Variants in ADRA1A observed in about 807,000 individuals in gnomAD.
The protein encoded by ADRA1A is alpha-1A adrenergic receptor.
In ADRA1A, 31 loss-of-function variants were observed where a neutral mutation model predicts 29.6. The observed-to-expected ratio is 1.05, with a 90% CI of 0.79 to 1.41. The LOEUF is 1.41. ADRA1A is among the 40% of genes most tolerant of loss of function. ADRA1A has a pLI of 0.00. For missense variants in ADRA1A, 619 were observed against 601.1 expected, an observed-to-expected ratio of 1.03 and a Z score of -0.31; for synonymous variants, 311 against 254.3, an observed-to-expected ratio of 1.22 and a Z score of -2.12.
At chr8:26,837,062 T>A (rs890645926) in intron 2 of ADRA1A, among the ~76,000 whole-genome samples, 2 of 151,944 alleles carry the variant, frequency 1.3e-5, no homozygotes, top group African/African-American at 4.8e-5. Context: ...TCACTCTGCC[T>A]AATAGAACTG....
intron 2 of ADRA1A, among the ~76,000 whole-genome samples, chr8:26,849,954 A>G (rs1812490249): frequency 6.6e-6 from 1 of 151,294 alleles, no homozygotes. Context: ...GTAAAGTGGA[A>G]CATGAACTTG....
chr8:26,865,010 C>A lies in ADRA1A; in HGVS notation c.-41G>T. The A allele has an allele frequency of 6.5e-7, 1 of 1,544,558 alleles. No individual in the cohort carries two copies. ...CGGGCGAGGTCCGGCTGTCCAGGGC[C>A]ACCTCCCGGGCTGGCGCGGAGGCGG... is the stretch of plus-strand genomic sequence containing the variant. On this transcript the variant is annotated 5_prime_UTR_variant, in exon 2 of 3. Transcript: ENST00000380573. The surrounding 1 kb of genome is among the most constrained non-coding windows in gnomAD (Gnocchi z 7.6).
At chr8:26,802,583 T>C (rs1808664416) in intron 2 of ADRA1A, among the ~76,000 whole-genome samples, 1 of 152,036 alleles carries the variant, frequency 6.6e-6, no homozygotes, top group African/African-American at 2.4e-5. Flanking sequence ...CAAATGCTGG[T>C]GAGGATGTGG....
Position 26,815,010 on chromosome 8 carries a change from T to C in ADRA1A, c.884-44344A>G, listed in dbSNP as rs1488363590. On this transcript the variant is annotated intron_variant, in intron 2 of 2. Transcript: ENST00000380573. The surrounding 1 kb of genome is among the most constrained non-coding windows in gnomAD (Gnocchi z 4.2). The stretch of plus-strand genomic sequence containing the variant: ...AAATGTGAAAATTTGAGCTTCCTTA[T>C]TAGACAGGCTTCTCCCCTGATATCA... Among the ~76,000 whole-genome samples, 1 of 152,214 alleles carries C rather than the reference T, an allele frequency of 6.6e-6. No homozygotes were observed. The highest frequency in any genetic ancestry group is 1.5e-5 in the Non-Finnish European group (1 of 68,034).
At chr8:26,789,662 G>A (rs1048251374) in intron 2 of ADRA1A, among the ~76,000 whole-genome samples, 4 of 152,006 alleles carry the variant, frequency 2.6e-5, no homozygotes, top group African/African-American at 9.7e-5. Context: ...ATAGACAAAC[G>A]GGATTATATC....
At chr8:26,774,919 T>C (rs1806433351) in intron 2 of ADRA1A, among the ~76,000 whole-genome samples, 1 of 152,086 alleles carries the variant, frequency 6.6e-6, no homozygotes, top group Admixed American at 6.5e-5. Flanking sequence ...TTCCCAAATC[T>C]CTTTCTTCCT....
At chr8:26,764,062 C>T (rs1805646352), downstream of ADRA1A, among the ~76,000 whole-genome samples, 1 of 152,156 alleles carries the variant, frequency 6.6e-6, no homozygotes, top group Admixed American at 6.5e-5. Flanking sequence ...GAACTCTATC[C>T]AGCTTGTAAG....
chr8:26,784,409 T>C (rs1206414986), intron 2 of ADRA1A, among the ~76,000 whole-genome samples: 1 of 152,212 alleles, frequency 6.6e-6, no homozygotes, highest in African/African-American at 2.4e-5. Flanking sequence ...TAATAGTTTC[T>C]GGATGTGCTG....
intron 2 of ADRA1A, among the ~76,000 whole-genome samples, chr8:26,800,415 A>G (rs971199726): frequency 2.6e-5 from 4 of 152,182 alleles, no homozygotes; most frequent in Admixed American, 6.5e-5. Context: ...CAATGGAGGA[A>G]GGTAGCTCAA....
At chr8:26,767,786 G>A (rs1297617192), downstream of ADRA1A, among the ~76,000 whole-genome samples, 3 of 152,198 alleles carry the variant, frequency 2.0e-5, no homozygotes, top group Non-Finnish European at 2.9e-5. Context: ...CTGTTGGGAC[G>A]CTCTTCCTGT....
chr8:26,793,395 G>A (rs1322515540), intron 2 of ADRA1A, among the ~76,000 whole-genome samples: 1 of 151,768 alleles, frequency 6.6e-6, no homozygotes, highest in Non-Finnish European at 1.5e-5. Context: ...AGTCTTAGAT[G>A]GTTATATTTA....
chr8:26,863,803 T>G (rs556992997), intron 2 of ADRA1A, among the ~76,000 whole-genome samples: 26 of 152,332 alleles, frequency 1.7e-4, no homozygotes, highest in Admixed American at 3.9e-4. Context: ...CTTATAGGCA[T>G]TAAGAAAAGT....
chr8:26,855,587 G>C (rs1812988152), intron 2 of ADRA1A, among the ~76,000 whole-genome samples: 1 of 152,124 alleles, frequency 6.6e-6, no homozygotes, highest in African/African-American at 2.4e-5. Flanking sequence ...TGGGGGTTGG[G>C]GGGCAAGAGG....
chr8:26,798,083 A>C (rs1808312158), intron 2 of ADRA1A, among the ~76,000 whole-genome samples: 1 of 151,942 alleles, frequency 6.6e-6, no homozygotes. Context: ...GGCTCAAGTG[A>C]TTCTCCTGCC....
rs57275905 is a variant in ADRA1A at position 26,823,311 on chromosome 8, C to T, written c.883+40776G>A. Among the ~76,000 whole-genome samples, 14,003 of 151,984 alleles carry T rather than the reference C, an allele frequency of 0.092. 1,247 individuals carry two copies. Among genetic ancestry groups the T allele is most frequent in the East Asian group, 0.36 (1,881 of 5,160 alleles). ...TCACGTGCTGGGGGCTGGGCATGGGCGGTGACTTCCATCTGCTTCCTCATG... is the reference window on the plus strand; with the variant it reads ...TCACGTGCTGGGGGCTGGGCATGGGTGGTGACTTCCATCTGCTTCCTCATG... On this transcript the variant is annotated intron_variant, in intron 2 of 2. Coordinates refer to ENST00000380573, the MANE Select transcript of ADRA1A (RefSeq NM_000680.4). The surrounding 1 kb of genome is among the most constrained non-coding windows in gnomAD (Gnocchi z 4.2).
At chr8:26,791,532 T>C (rs2130425968) in intron 2 of ADRA1A, among the ~76,000 whole-genome samples, 1 of 152,178 alleles carries the variant, frequency 6.6e-6, no homozygotes, top group East Asian at 1.9e-4. Flanking sequence ...TGATCTAATT[T>C]TCCCATGTGT....
chr8:26,754,250 AC>A (rs1805050891), downstream of ADRA1A, among the ~76,000 whole-genome samples: 1 of 152,242 alleles, frequency 6.6e-6, no homozygotes, highest in South Asian at 2.1e-4. Flanking sequence ...AAATGTTGCC[AC>A]AAATTCAAGT....
downstream of ADRA1A, chr8:26,765,850 G>C (rs1391281608): frequency 2.1e-6 from 3 of 1,406,516 alleles, no homozygotes; most frequent in Non-Finnish European, 2.8e-6. Context: ...AAGTAGCTGT[G>C]ATCAGAGTGA....
At chr8:26,755,604 T>C (rs61759702), downstream of ADRA1A, among the ~76,000 whole-genome samples, 7,925 of 152,176 alleles carry the variant, frequency 0.052, 255 homozygotes, top group Middle Eastern at 0.099. Context: ...CTGTTTCTGT[T>C]CCCCACCCCA....
Sources: allele counts gnomAD v4.1 joint callset (sites outside exome capture counted in the v4.1 genomes callset), GRCh38; gene constraint gnomAD v4.1.1; non-coding constraint Gnocchi (gnomAD v3.1); transcripts MANE v1.5; gene names NCBI Gene and HGNC (gene_info 2026-07-23, HGNC 2026-07-21).